Variants in SENP5 observed in about 807,000 individuals in gnomAD.
SENP5 encodes the protein sentrin-specific protease 5.
A neutral mutation model predicts 74.2 loss-of-function variants in SENP5; 21 were observed. The observed-to-expected ratio is 0.28, with a 90% CI of 0.20 to 0.41. The LOEUF is 0.41. SENP5 is among the 10% of genes least tolerant of loss of function. SENP5 has a pLI of 1.00. For synonymous variants in SENP5, 311 were observed against 312.7 expected (o/e 0.99, Z 0.06); for missense variants, 717 against 889.1 (o/e 0.81, Z 2.46).
At chr3:196,919,219 G>T (rs115490111) in intron 6 of SENP5, among the ~76,000 whole-genome samples, 10 of 152,204 alleles carry the variant, frequency 6.6e-5, no homozygotes, top group South Asian at 2.1e-4. Flanking sequence ...AGTGGCTTAC[G>T]CCTGTAATCC....
chr3:196,912,846 C>T (rs912876400), intron 6 of SENP5: 1 of 151,998 alleles, frequency 6.6e-6, no homozygotes, highest in Non-Finnish European at 1.5e-5. Context: ...TGTACCCCAG[C>T]CTGGGTGACA....
intron 6 of SENP5, among the ~76,000 whole-genome samples, chr3:196,911,556 C>CAAAA (rs148985317): frequency 1.0e-5 from 1 of 97,014 alleles, no homozygotes. Context: ...GACTTTGTCT[C>CAAAA]AAAAAAAAAA....
chr3:196,930,791 T>C (rs763245645), intron 9 of SENP5, 22 bp from the exon 10 acceptor site: 2 of 1,394,854 alleles, frequency 1.4e-6, no homozygotes, highest in African/African-American at 5.5e-5. Context: ...CTGAAGTGTT[T>C]CTGGGACCTT....
At chr3:196,921,387 G>A (rs1223843958) in intron 6 of SENP5, among the ~76,000 whole-genome samples, 1 of 152,130 alleles carries the variant, frequency 6.6e-6, no homozygotes, top group Non-Finnish European at 1.5e-5. Flanking sequence ...AGGTTTTTGG[G>A]TTAGAGTTAC....
intron 6 of SENP5, among the ~76,000 whole-genome samples, chr3:196,919,742 G>A (rs1231031007): frequency 1.3e-5 from 2 of 151,234 alleles, no homozygotes; most frequent in African/African-American, 4.9e-5. Context: ...GCAGTGAGCC[G>A]AGATTGTGCC....
At chr3:196,912,550 T>C (rs1179262683) in intron 6 of SENP5, 1 of 152,054 alleles carries the variant, frequency 6.6e-6, no homozygotes, top group African/African-American at 2.4e-5. Flanking sequence ...AGCAAGACTC[T>C]GTCTCAATTA....
chr3:196,908,348 A>G (rs1301955797), intron 6 of SENP5, among the ~76,000 whole-genome samples: 3 of 152,196 alleles, frequency 2.0e-5, no homozygotes, highest in African/African-American at 7.2e-5. Flanking sequence ...ACTCCTGGGT[A>G]AATAAAGAAA....
At chr3:196,872,405 G>A (rs1713256159) in intron 1 of SENP5, among the ~76,000 whole-genome samples, 1 of 152,184 alleles carries the variant, frequency 6.6e-6, no homozygotes, top group African/African-American at 2.4e-5. Context: ...AAGAAGAAGG[G>A]ATCTCCTACT....
intron 1 of SENP5, among the ~76,000 whole-genome samples, chr3:196,868,443 G>T (rs376093391): frequency 1.3e-5 from 2 of 152,238 alleles, no homozygotes; most frequent in South Asian, 4.1e-4. Flanking sequence ...TGCTTAGACC[G>T]CTCTGCCTCC....
chr3:196,920,575 G>A (rs894104168), intron 6 of SENP5, among the ~76,000 whole-genome samples: 13 of 152,190 alleles, frequency 8.5e-5, no homozygotes, highest in African/African-American at 2.4e-4. Flanking sequence ...TAGAAGTAAT[G>A]AGAGAGGACA....
intron 1 of SENP5, among the ~76,000 whole-genome samples, chr3:196,875,149 C>G (rs189027540): frequency 1.3e-5 from 2 of 152,172 alleles, no homozygotes; most frequent in African/African-American, 4.8e-5. Context: ...AATCGATCTC[C>G]GTCTGTGTTT....
At chr3:196,881,896 GTT>G (rs11385462) in intron 1 of SENP5, among the ~76,000 whole-genome samples, 2 of 109,178 alleles carry the variant, frequency 1.8e-5, no homozygotes, top group Admixed American at 1.1e-4. Flanking sequence ...GATAGTATTA[GTT>G]TTTTTTTTTT....
intron 1 of SENP5, among the ~76,000 whole-genome samples, chr3:196,875,992 G>A (rs1713448471): frequency 6.6e-6 from 1 of 152,042 alleles, no homozygotes; most frequent in South Asian, 2.1e-4. Context: ...CAAAGTGCTG[G>A]GATTACAGGC....
chr3:196,887,934 AT>A (rs1470801358), intron 2 of SENP5, among the ~76,000 whole-genome samples: 1 of 151,810 alleles, frequency 6.6e-6, no homozygotes, highest in African/African-American at 2.4e-5. Context: ...TGCCCGGCTA[AT>A]TTTTTGTATT....
intron 2 of SENP5, among the ~76,000 whole-genome samples, chr3:196,888,149 C>T (rs1487578937): frequency 2.0e-5 from 3 of 152,224 alleles, no homozygotes; most frequent in Non-Finnish European, 4.4e-5. Flanking sequence ...TGTCAAAAAT[C>T]TATCCCATAA....
rs1453005338 is a variant in SENP5 at position 196,932,574 on chromosome 3, C to T, written c.*1651C>T. On this transcript the variant is annotated 3_prime_UTR_variant, in exon 10 of 10. Transcript: ENST00000323460. ...ACTGTGTTTCAAGTCGTTAAAAAGA[C>T]TGAGAGTAGAGGCACTTTATGCTGC... 1 of 152,064 alleles carries T rather than the reference C, an allele frequency of 6.6e-6. No homozygotes were observed. Among genetic ancestry groups the T allele is most frequent in the Non-Finnish European group, 1.5e-5 (1 of 68,022 alleles). 9.4% of individuals were successfully genotyped at this position (152,064 alleles called of 1,614,324 possible).
chr3:196,907,658 C>G (rs1257174877), intron 6 of SENP5, among the ~76,000 whole-genome samples: 1 of 152,078 alleles, frequency 6.6e-6, no homozygotes, highest in Non-Finnish European at 1.5e-5. Flanking sequence ...GGTGTCCAAT[C>G]TTTTGGCTTC....
intron 6 of SENP5, among the ~76,000 whole-genome samples, chr3:196,923,149 G>T (rs1292494447): frequency 1.3e-5 from 2 of 152,244 alleles, no homozygotes; most frequent in Non-Finnish European, 2.9e-5. Context: ...AAGGAGCCAA[G>T]TCTTCAGGCA....
chr3:196,875,019 G>A (rs1713393863), intron 1 of SENP5, among the ~76,000 whole-genome samples: 1 of 152,142 alleles, frequency 6.6e-6, no homozygotes, highest in Admixed American at 6.5e-5. Context: ...TTCACATGAT[G>A]TCCTCTTTTC....
Sources: gnomAD v4.1 joint callset for allele counts (sites outside exome capture counted in the v4.1 genomes callset) on GRCh38, gnomAD v4.1.1 for gene constraint, MANE v1.5 for transcripts, NCBI Gene and HGNC (gene_info 2026-07-23, HGNC 2026-07-21) for gene names.